Variants in LNPEP observed in about 807,000 individuals in gnomAD.
LNPEP encodes the protein leucyl and cystinyl aminopeptidase.
In LNPEP, 64 loss-of-function variants were observed where a neutral mutation model predicts 120.6. The ratio of observed to expected loss-of-function variants is 0.53; its 90% CI spans 0.43 to 0.65. The LOEUF (loss-of-function observed/expected upper bound fraction) is 0.65. Ranked by LOEUF, LNPEP falls within the 30% of genes least tolerant of loss-of-function variation. The pLI, the probability that LNPEP is intolerant of heterozygous loss-of-function variation, is 0.00. For synonymous variants in LNPEP, 435 were observed against 425.4 expected (o/e 1.02, Z -0.28); for missense variants, 1,057 against 1,200.0 (o/e 0.88, Z 1.76).
At chr5:96,939,455 C>T (rs1789001154) in intron 1 of LNPEP, among the ~76,000 whole-genome samples, 1 of 152,110 alleles carries the variant, frequency 6.6e-6, no homozygotes, top group East Asian at 1.9e-4. Context: ...GATCCGCTCA[C>T]CTTAGCCTCC....
At chr5:96,981,054 C>T (rs3797796) in intron 2 of LNPEP, among the ~76,000 whole-genome samples, 61,240 of 151,940 alleles carry the variant, frequency 0.4, 12,413 homozygotes, top group Non-Finnish European at 0.43. Context: ...AAAGTTCTTG[C>T]CTTTAGTTCT....
intron 4 of LNPEP, among the ~76,000 whole-genome samples, chr5:96,991,030 C>A (rs547616814): frequency 6.6e-6 from 1 of 152,188 alleles, no homozygotes; most frequent in South Asian, 2.1e-4. Flanking sequence ...AGACTGCACC[C>A]AATGTGTAAT....
intron 8 of LNPEP, among the ~76,000 whole-genome samples, chr5:97,001,612 AG>A (rs2112639354): frequency 6.6e-6 from 1 of 152,262 alleles, no homozygotes; most frequent in African/African-American, 2.4e-5. Flanking sequence ...GATAGAGAAA[AG>A]GGGTCCAAAG....
chr5:96,971,738 T>C (rs1435003264), intron 1 of LNPEP, among the ~76,000 whole-genome samples: 2 of 152,088 alleles, frequency 1.3e-5, no homozygotes, highest in African/African-American at 4.8e-5. Context: ...ATTTTTCTTT[T>C]TTCCCTCTCA....
intron 14 of LNPEP, among the ~76,000 whole-genome samples, chr5:97,023,242 T>A (rs1791256394): frequency 6.6e-6 from 1 of 151,692 alleles, no homozygotes; most frequent in Admixed American, 6.6e-5. Context: ...TGCATTAAAA[T>A]TTCTTTCTTT....
rs34815125 is a variant in LNPEP, at chr5:96,945,249, TAA to T, written c.19+9085_19+9086del. On this transcript the variant is annotated intron_variant, in intron 1 of 17. Transcript: ENST00000231368. ...CTGTCTCTACAAAAAAATTAAAAAT[TAA>T]AAAAAAAAATTAGTCAGGTGTGATG... Among the ~76,000 whole-genome samples the T allele has an allele frequency of 1.1e-4, 17 of 148,570 alleles. 1 individual carries two copies. In the South Asian group the frequency reaches 2.8e-3, roughly 24 times the overall value.
chr5:96,949,194 T>C (rs752633049), intron 1 of LNPEP, among the ~76,000 whole-genome samples: 3 of 152,230 alleles, frequency 2.0e-5, no homozygotes, highest in Non-Finnish European at 4.4e-5. Flanking sequence ...TTTGCAACAC[T>C]TTCATGGAAG....
chr5:96,941,228 G>C (rs1179340498), intron 1 of LNPEP, among the ~76,000 whole-genome samples: 2 of 152,188 alleles, frequency 1.3e-5, no homozygotes, highest in Admixed American at 6.5e-5. Flanking sequence ...CCACTGATCT[G>C]ACAGGAGGTG....
intron 1 of LNPEP, among the ~76,000 whole-genome samples, chr5:96,939,995 T>C (rs1245355954): frequency 1.3e-5 from 2 of 152,220 alleles, no homozygotes; most frequent in East Asian, 3.8e-4. Context: ...TAGGAGCTCA[T>C]AGTTTCTCTG....
At chr5:96,959,660 T>C (rs1789551752) in intron 1 of LNPEP, among the ~76,000 whole-genome samples, 1 of 152,206 alleles carries the variant, frequency 6.6e-6, no homozygotes, top group East Asian at 1.9e-4. Flanking sequence ...TTTTAGTAGA[T>C]ATGATTGATT....
chr5:96,980,556 A>G lies in LNPEP; in HGVS notation c.860+578A>G, dbSNP rs190386222. 1.6e-3 allele frequency among the ~76,000 whole-genome samples: 248 copies of G among 152,344 alleles called. 1 individual carries two copies. The highest frequency in any genetic ancestry group is 5.7e-3 in the African/African-American group (235 of 41,588). On this transcript the variant is annotated intron_variant, in intron 2 of 17. Coordinates refer to ENST00000231368, the MANE Select transcript of LNPEP (RefSeq NM_005575.3). ...TTCAGAAAAAAAGGTGAGACAAAAT[A>G]TAAAATTATTCAGCTCCCTATTTGG...
At chr5:96,948,364 T>G (rs1364941196) in intron 1 of LNPEP, among the ~76,000 whole-genome samples, 2 of 152,212 alleles carry the variant, frequency 1.3e-5, no homozygotes, top group Non-Finnish European at 2.9e-5. Context: ...GTGATCTGCC[T>G]TTCTCGGCCT....
Position 97,003,537 on chromosome 5 carries a change from T to G in LNPEP, c.1776T>G (p.Ser592Arg), listed in dbSNP as rs200164948. 22 of 1,595,160 alleles carry G rather than the reference T, an allele frequency of 1.4e-5. No individual in the cohort carries two copies. In the Middle Eastern group the frequency reaches 6.8e-4, roughly 49 times the overall value. ...ASIQSDDLWD[S>R]FNEVTNQTLD... ...TTCAAAGTGATGATCTGTGGGATAG[T>G]TTTAATGAGGTAAGTGACCTGGGTA... The change falls in exon 9 of 18, where the codon AGT (serine) becomes AGG (arginine). Residue 592 changes from serine (S) to arginine (R), a missense_variant. Physicochemically the swap from Ser to Arg is moderately radical, Grantham distance 110. Coordinates refer to ENST00000231368, the MANE Select transcript of LNPEP (RefSeq NM_005575.3).
chr5:96,961,713 A>G (rs1418066710), intron 1 of LNPEP, among the ~76,000 whole-genome samples: 1 of 152,156 alleles, frequency 6.6e-6, no homozygotes. Context: ...TACACGAATC[A>G]TCCCATTTAC....
intron 1 of LNPEP, among the ~76,000 whole-genome samples, chr5:96,947,933 T>G (rs1037361014): frequency 5.9e-5 from 9 of 152,186 alleles, no homozygotes; most frequent in African/African-American, 1.9e-4. Context: ...TTTCTCTTTT[T>G]GAATTTTTTC....
intron 1 of LNPEP, among the ~76,000 whole-genome samples, chr5:96,952,655 G>A (rs1789351161): frequency 6.6e-6 from 1 of 152,110 alleles, no homozygotes; most frequent in Admixed American, 6.6e-5. Context: ...AGCCCTAGAT[G>A]GTGCTAAAGT....
chr5:96,976,803 C>T (rs564073471), intron 1 of LNPEP, among the ~76,000 whole-genome samples: 42 of 151,738 alleles, frequency 2.8e-4, no homozygotes, highest in African/African-American at 9.7e-4. Context: ...CAAAAAACTA[C>T]TACAGAAACT....
rs1452169442 is a variant in LNPEP, at chr5:97,033,412, G to A, written c.*4879G>A. 2.0e-5 allele frequency: 3 copies of A among 152,198 alleles called. No individual in the cohort carries two copies. The highest frequency in any genetic ancestry group is 6.5e-5 in the Admixed American group (1 of 15,278). The allele number at this position is 152,198 out of a possible 1,614,324, so 9.4% of individuals were successfully genotyped here. The stretch of plus-strand genomic sequence containing the variant: ...GTACCTAATGAACCATGGAGTTCCG[G>A]ATGTATAACAGTCTCCTCTTTTCCC... On this transcript the variant is annotated 3_prime_UTR_variant, in exon 18 of 18. Transcript: ENST00000231368.
At chr5:96,956,348 C>T (rs1581982902) in intron 1 of LNPEP, among the ~76,000 whole-genome samples, 2 of 152,128 alleles carry the variant, frequency 1.3e-5, no homozygotes, top group Admixed American at 6.5e-5. Context: ...GAAACCCTGT[C>T]TCTGCCAAAA....
Sources: allele counts gnomAD v4.1 joint callset (sites outside exome capture counted in the v4.1 genomes callset), GRCh38; gene constraint gnomAD v4.1.1; transcripts MANE v1.5; gene names NCBI Gene and HGNC (gene_info 2026-07-23, HGNC 2026-07-21).